LYN: variants seen among roughly 807,000 people sequenced by gnomAD.
LYN encodes the protein LYN proto-oncogene, Src family tyrosine kinase.
In LYN, 12 loss-of-function variants were observed where a neutral mutation model predicts 65.0. The ratio of observed to expected loss-of-function variants is 0.18; its 90% CI spans 0.12 to 0.30. The LOEUF (loss-of-function observed/expected upper bound fraction) is 0.30, where lower values mean the gene tolerates loss of function less well. LYN is among the 10% of genes least tolerant of loss of function. The pLI, the probability that LYN is intolerant of heterozygous loss-of-function variation, is 1.00. For synonymous variants in LYN, 222 were observed against 221.2 expected (o/e 1.00, Z -0.03); for missense variants, 380 against 623.2 (o/e 0.61, Z 4.16).
At chr8:55,941,714 G>A (rs1806618505) in intron 1 of LYN, 141 bp from the exon 2 acceptor site, 2 of 573,690 alleles carry the variant, frequency 3.5e-6, no homozygotes, top group Non-Finnish European at 6.0e-6. Flanking sequence ...TTTGGGAACA[G>A]TATTCACTTT....
At chr8:55,944,605 C>T (rs937649592) in intron 2 of LYN, among the ~76,000 whole-genome samples, 26 of 152,146 alleles carry the variant, frequency 1.7e-4, no homozygotes, top group Non-Finnish European at 3.7e-4. Context: ...CTCAGCCTCC[C>T]GAGTACCTGG....
At chr8:55,915,581 C>T (rs1487068508) in intron 1 of LYN, among the ~76,000 whole-genome samples, 2 of 152,194 alleles carry the variant, frequency 1.3e-5, no homozygotes, top group African/African-American at 4.8e-5. Context: ...TGGCGGATGC[C>T]TGTAATCCCA....
chr8:55,947,204 G>A (rs1437437648), intron 3 of LYN, among the ~76,000 whole-genome samples: 1 of 152,230 alleles, frequency 6.6e-6, no homozygotes, highest in East Asian at 1.9e-4. Context: ...AGCCGAGATT[G>A]CACTATTGCA....
intron 6 of LYN, among the ~76,000 whole-genome samples, chr8:55,951,294 G>C (rs1806939553): frequency 6.6e-6 from 1 of 152,096 alleles, no homozygotes; most frequent in Admixed American, 6.5e-5. Context: ...AAGCACACAT[G>C]ATTGTGGCCA....
chr8:55,920,788 C>T (rs933752912), intron 1 of LYN, among the ~76,000 whole-genome samples: 1 of 149,732 alleles, frequency 6.7e-6, no homozygotes, highest in Non-Finnish European at 1.5e-5. Flanking sequence ...TCCCCACCAC[C>T]CCCCCACCGG....
At chr8:55,952,777 T>A (rs1806987168) in intron 7 of LYN, among the ~76,000 whole-genome samples, 1 of 152,230 alleles carries the variant, frequency 6.6e-6, no homozygotes, top group East Asian at 1.9e-4. Flanking sequence ...GATTTGCAGA[T>A]CTGTGTTTGT....
intron 8 of LYN, among the ~76,000 whole-genome samples, chr8:55,961,000 C>T (rs899547728): frequency 6.6e-6 from 1 of 152,106 alleles, no homozygotes; most frequent in African/African-American, 2.4e-5. Context: ...AGGCTAAGGA[C>T]GATGTTTCCT....
chr8:55,907,239 G>A (rs1242807830), intron 1 of LYN, among the ~76,000 whole-genome samples: 3 of 152,022 alleles, frequency 2.0e-5, no homozygotes, highest in Non-Finnish European at 4.4e-5. Flanking sequence ...TCATAAAATG[G>A]GGTATTACTC....
chr8:55,950,816 A>T (rs1436930130), intron 6 of LYN, 32 bp downstream of exon 6: 1 of 1,424,482 alleles, frequency 7.0e-7, no homozygotes, highest in Non-Finnish European at 9.9e-7. Flanking sequence ...CTTTTAAAAC[A>T]CTATTTAGGA....
At chr8:55,984,582 T>A (rs1260929055) in intron 10 of LYN, among the ~76,000 whole-genome samples, 1 of 152,228 alleles carries the variant, frequency 6.6e-6, no homozygotes, top group Non-Finnish European at 1.5e-5. Context: ...TTCACCTTCC[T>A]AAGTCCTGCA....
chr8:55,930,495 G>T (rs72651485), intron 1 of LYN, among the ~76,000 whole-genome samples: 16,138 of 152,188 alleles, frequency 0.11, 1,195 homozygotes, highest in Middle Eastern at 0.28. Context: ...ACATAATTCA[G>T]ACTCTGCTTT....
At chr8:55,925,702 T>C (rs1031051064) in intron 1 of LYN, among the ~76,000 whole-genome samples, 5 of 152,224 alleles carry the variant, frequency 3.3e-5, no homozygotes, top group Non-Finnish European at 7.3e-5. Context: ...AAACACCATC[T>C]AGAGGTGCTG....
intron 1 of LYN, among the ~76,000 whole-genome samples, chr8:55,921,870 C>T (rs890944481): frequency 6.6e-6 from 1 of 152,114 alleles, no homozygotes; most frequent in African/African-American, 2.4e-5. Flanking sequence ...ACTCTTTATT[C>T]CACAGATATT....
chr8:55,939,073 T>C (rs1025920117), intron 1 of LYN, among the ~76,000 whole-genome samples: 1 of 152,260 alleles, frequency 6.6e-6, no homozygotes. Flanking sequence ...CTCTCAGTTT[T>C]TGTCAGGAGT....
chr8:55,983,373 C>T (rs995808366), intron 10 of LYN, among the ~76,000 whole-genome samples: 5 of 152,206 alleles, frequency 3.3e-5, no homozygotes, highest in African/African-American at 7.2e-5. Flanking sequence ...CTAGAAATTC[C>T]GCATTAGCGT....
chr8:55,919,954 C>T (rs559503478), intron 1 of LYN, among the ~76,000 whole-genome samples: 1 of 152,338 alleles, frequency 6.6e-6, no homozygotes, highest in East Asian at 1.9e-4. Flanking sequence ...CCACTCTTTG[C>T]TTCTTTGTCT....
intron 10 of LYN, among the ~76,000 whole-genome samples, chr8:55,994,914 G>A (rs1808335754): frequency 6.6e-6 from 1 of 152,122 alleles, no homozygotes; most frequent in African/African-American, 2.4e-5. Context: ...AGGCATCGTG[G>A]TTCTATCGCC....
At chr8:55,897,865 A>G (rs540658830) in intron 1 of LYN, among the ~76,000 whole-genome samples, 1 of 152,230 alleles carries the variant, frequency 6.6e-6, no homozygotes, top group East Asian at 1.9e-4. Flanking sequence ...GTGAGTCGAG[A>G]TCGCGCCACT....
At chr8:55,895,494 T>C (rs1487474006) in intron 1 of LYN, 1 of 152,120 alleles carries the variant, frequency 6.6e-6, no homozygotes, top group East Asian at 1.9e-4. Flanking sequence ...CTGAGAGTCA[T>C]GAATTGGTTT....
Sources: allele counts gnomAD v4.1 joint callset (sites outside exome capture counted in the v4.1 genomes callset), GRCh38; gene constraint gnomAD v4.1.1; transcripts MANE v1.5; gene names NCBI Gene and HGNC (gene_info 2026-07-23, HGNC 2026-07-21).